Variants in GSE1 observed in about 807,000 individuals in gnomAD.
GSE1 encodes the protein genetic suppressor element 1.
In GSE1, 32 loss-of-function variants were observed where a neutral mutation model predicts 112.6. That is an observed-to-expected ratio of 0.28 (90% CI 0.21 to 0.38). The LOEUF is 0.38. GSE1 is among the 10% of genes least tolerant of loss of function. GSE1 has a pLI of 1.00. For synonymous variants in GSE1, 1,115 were observed against 735.6 expected, an observed-to-expected ratio of 1.52 and a Z score of -8.35; for missense variants, 2,348 against 1,699.2, an observed-to-expected ratio of 1.38 and a Z score of -6.71.
intron 2 of GSE1, among the ~76,000 whole-genome samples, chr16:85,389,840 G>T (rs929721475): frequency 6.6e-6 from 1 of 152,178 alleles, no homozygotes; most frequent in Non-Finnish European, 1.5e-5. Flanking sequence ...GCAAACTGAG[G>T]CCCAGAGAGG....
intron 2 of GSE1, among the ~76,000 whole-genome samples, chr16:85,511,988 C>T (rs1338191251): frequency 6.6e-6 from 1 of 152,222 alleles, no homozygotes; most frequent in Non-Finnish European, 1.5e-5. Flanking sequence ...GCCTCTCCCA[C>T]TGCTCTGTAG....
At chr16:85,221,938 G>A (rs1430879765) in intron 1 of GSE1, among the ~76,000 whole-genome samples, 5 of 151,948 alleles carry the variant, frequency 3.3e-5, no homozygotes, top group South Asian at 2.1e-4. Flanking sequence ...TGCCCCTCCC[G>A]GTCCCCGCCC....
upstream of GSE1, among the ~76,000 whole-genome samples, chr16:85,612,231 G>C (rs1278969868): frequency 2.7e-5 from 4 of 150,042 alleles, no homozygotes; most frequent in African/African-American, 1.0e-4. Context: ...CGCGCCCGCC[G>C]CGATGGGGTG....
intron 1 of GSE1, among the ~76,000 whole-genome samples, chr16:85,309,307 G>A (rs966677381): frequency 6.6e-6 from 1 of 151,994 alleles, no homozygotes; most frequent in Admixed American, 6.6e-5. Context: ...GAACAGCCTG[G>A]ACAACGTAGT....
chr16:85,243,136 C>T (rs1270719850), intron 1 of GSE1, among the ~76,000 whole-genome samples: 2 of 152,208 alleles, frequency 1.3e-5, no homozygotes, highest in African/African-American at 4.8e-5. Flanking sequence ...CATGCAGCCC[C>T]CGAGGAGACA....
chr16:85,293,678 T>A (rs561590040), intron 1 of GSE1, among the ~76,000 whole-genome samples: 1 of 152,340 alleles, frequency 6.6e-6, no homozygotes, highest in East Asian at 1.9e-4. Context: ...AGAGTGGGAA[T>A]CTGTCCGGGC....
rs181573819 is a variant in GSE1, at chr16:85,371,798, C to T, written c.2464+14155C>T. Reference sequence around the variant, plus strand: ...GTCACTGAATCCCACCCTCCTTTCCCGTGGAGGGGGAAACTGAGGCTGCTC... The same window carrying T: ...GTCACTGAATCCCACCCTCCTTTCCTGTGGAGGGGGAAACTGAGGCTGCTC... On this transcript the variant is annotated intron_variant, in intron 2 of 2. Transcript: ENST00000637419. 9.0e-4 allele frequency among the ~76,000 whole-genome samples: 137 copies of T among 152,314 alleles called. 1 individual carries two copies. The highest frequency in any genetic ancestry group is 3.0e-3 in the African/African-American group (126 of 41,570).
chr16:85,609,250 C>CA (rs2047855106), upstream of GSE1, among the ~76,000 whole-genome samples: 1 of 152,106 alleles, frequency 6.6e-6, no homozygotes, highest in African/African-American at 2.4e-5. Flanking sequence ...TTAAAAACAA[C>CA]CAAAAAAAGA....
chr16:85,272,963 A>G (rs573593256), intron 1 of GSE1, among the ~76,000 whole-genome samples: 6 of 151,708 alleles, frequency 4.0e-5, no homozygotes, highest in Admixed American at 1.3e-4. Flanking sequence ...TTTAGTAGAG[A>G]CAGGATTTCT....
chr16:85,578,805 G>C (rs1308985276), intron 1 of GSE1, among the ~76,000 whole-genome samples: 3 of 151,900 alleles, frequency 2.0e-5, no homozygotes, highest in African/African-American at 7.3e-5. Context: ...CTGCTCAGAT[G>C]CCACCTTTGA....
intron 10 of GSE1, 87 bp downstream of exon 10, chr16:85,663,180 A>C: frequency 8.0e-7 from 1 of 1,242,646 alleles, no homozygotes. Flanking sequence ...CACTGTTGCT[A>C]GGTTCCTCCG....
chr16:85,574,033 T>G (rs1183486838), intron 1 of GSE1, among the ~76,000 whole-genome samples: 1 of 152,124 alleles, frequency 6.6e-6, no homozygotes, highest in Non-Finnish European at 1.5e-5. Context: ...GGGGACTGGC[T>G]TGGGAGAGGC....
At chr16:85,174,647 G>A (rs2074424650) in intron 1 of GSE1, among the ~76,000 whole-genome samples, 1 of 152,214 alleles carries the variant, frequency 6.6e-6, no homozygotes, top group Admixed American at 6.5e-5. Context: ...TGGGGGAGGG[G>A]GACACACATG....
intron 2 of GSE1, among the ~76,000 whole-genome samples, chr16:85,480,895 G>T (rs978159964): frequency 1.3e-5 from 2 of 152,178 alleles, no homozygotes; most frequent in African/African-American, 2.4e-5. Context: ...GGAGCAGCTG[G>T]GCTCCACGCT....
At chr16:85,276,342 GGT>G (rs10564526) in intron 1 of GSE1, among the ~76,000 whole-genome samples, 135,147 of 152,110 alleles carry the variant, frequency 0.89, 60,531 homozygotes, top group Middle Eastern at 0.97. Flanking sequence ...ACTTCAGGAA[GGT>G]GTGCCCCAGG....
At chr16:85,333,899 G>T (rs192083972) in intron 1 of GSE1, among the ~76,000 whole-genome samples, 1 of 152,200 alleles carries the variant, frequency 6.6e-6, no homozygotes, top group Non-Finnish European at 1.5e-5. Flanking sequence ...CTGCCTGGAC[G>T]CTGTTGACAT....
rs1040277139 is a variant in GSE1, at chr16:85,312,209, G to GC, written c.2284-45254_2284-45253insC. On this transcript the variant is annotated intron_variant, in intron 1 of 2. Transcript: ENST00000637419. Reference sequence around the variant, plus strand: ...TGGTCTCTCTGATCCTCTTGCGGGGGGGGGGGGGACACACTTACCCCCAAA... The same window carrying GC: ...TGGTCTCTCTGATCCTCTTGCGGGGGCGGGGGGGGACACACTTACCCCCAAA... Among the ~76,000 whole-genome samples, 6 of 150,360 alleles carry GC rather than the reference G, an allele frequency of 4.0e-5. 1 individual carries two copies. Among genetic ancestry groups the GC allele is most frequent in the African/African-American group, 1.3e-4 (5 of 39,868 alleles).
At chr16:85,237,973 G>A (rs1396263305) in intron 1 of GSE1, among the ~76,000 whole-genome samples, 3 of 151,918 alleles carry the variant, frequency 2.0e-5, no homozygotes, top group African/African-American at 7.3e-5. Flanking sequence ...ATCACTAGTT[G>A]AATGAATGAA....
At chr16:85,546,039 C>T (rs992811467) in intron 2 of GSE1, among the ~76,000 whole-genome samples, 1 of 152,148 alleles carries the variant, frequency 6.6e-6, no homozygotes, top group African/African-American at 2.4e-5. Context: ...CCCACCTCGG[C>T]CTCCCAAAGT....
Sources: gnomAD v4.1 joint callset for allele counts (sites outside exome capture counted in the v4.1 genomes callset) on GRCh38, gnomAD v4.1.1 for gene constraint, MANE v1.5 for transcripts, NCBI Gene and HGNC (gene_info 2026-07-23, HGNC 2026-07-21) for gene names.